Variants in TRABD2B observed in about 807,000 individuals in gnomAD.
TRABD2B encodes the protein TraB domain containing 2B, also known as metalloprotease TIKI2.
In TRABD2B, 14 loss-of-function variants were observed where a neutral mutation model predicts 40.1. That is an observed-to-expected ratio of 0.35 (90% CI 0.23 to 0.55). The LOEUF is 0.55. TRABD2B is among the 20% of genes least tolerant of loss of function. The probability of loss-of-function intolerance (pLI) is 0.90; values close to 1 mark genes in which losing one functional copy is unlikely to be tolerated. For missense variants in TRABD2B, 541 were observed against 648.6 expected, an observed-to-expected ratio of 0.83 and a Z score of 1.80; for synonymous variants, 263 against 277.0, an observed-to-expected ratio of 0.95 and a Z score of 0.50.
chr1:47,798,786 C>T (rs1300141513), intron 3 of TRABD2B, among the ~76,000 whole-genome samples: 1 of 152,180 alleles, frequency 6.6e-6, no homozygotes, highest in East Asian at 1.9e-4. Context: ...CACTGTGGCC[C>T]CACAGCCTCC....
At chr1:47,881,285 T>C (rs544340365) in intron 2 of TRABD2B, among the ~76,000 whole-genome samples, 6 of 152,192 alleles carry the variant, frequency 3.9e-5, no homozygotes, top group Non-Finnish European at 8.8e-5. Flanking sequence ...GTTGTCTCTC[T>C]GTGTGCCCCT....
Position 47,987,687 on chromosome 1 carries a change from T to C in TRABD2B, c.666+6347A>G, listed in dbSNP as rs532399350. ...GAGCTCGCCATGCCTGCAGGGGTTCTTCACAAACAGCCCTCTGGGCACAGA... is the reference window on the plus strand; with the variant it reads ...GAGCTCGCCATGCCTGCAGGGGTTCCTCACAAACAGCCCTCTGGGCACAGA... On this transcript the variant is annotated intron_variant, in intron 2 of 6. Coordinates refer to ENST00000606738, the MANE Select transcript of TRABD2B (RefSeq NM_001194986.2). Among the ~76,000 whole-genome samples, 4 of 152,308 alleles carry C rather than the reference T, an allele frequency of 2.6e-5. No homozygotes were observed. In the South Asian group the frequency reaches 6.2e-4, roughly 24 times the overall value.
chr1:47,895,350 G>A (rs1469661922), intron 2 of TRABD2B, among the ~76,000 whole-genome samples: 1 of 152,122 alleles, frequency 6.6e-6, no homozygotes, highest in Non-Finnish European at 1.5e-5. Flanking sequence ...AGCACTGAGC[G>A]AGCTGTGGGT....
intron 2 of TRABD2B, among the ~76,000 whole-genome samples, chr1:47,882,105 C>T (rs777554715): frequency 1.6e-4 from 25 of 152,358 alleles, no homozygotes; most frequent in Non-Finnish European, 2.6e-4. Flanking sequence ...AGGCAGGCTG[C>T]GCTGCTGGGG....
chr1:47,768,406 T>G (rs796711426), intron 6 of TRABD2B, among the ~76,000 whole-genome samples: 1 of 151,364 alleles, frequency 6.6e-6, no homozygotes, highest in African/African-American at 2.4e-5. Flanking sequence ...TCCCACCCCA[T>G]GCCGGCCTGA....
At chr1:47,797,587 A>C (rs950850923) in intron 3 of TRABD2B, among the ~76,000 whole-genome samples, 3 of 152,164 alleles carry the variant, frequency 2.0e-5, no homozygotes, top group African/African-American at 4.8e-5. Context: ...ACAAGAACCC[A>C]AAAGTGAAAG....
At position 47,996,397 on chromosome 1, in the gene TRABD2B, A is replaced by G. The variant is rs1646092479; in HGVS notation, c.102+291T>C. On this transcript the variant is annotated intron_variant, in intron 1 of 6. Coordinates refer to ENST00000606738, the MANE Select transcript of TRABD2B (RefSeq NM_001194986.2). This position sits in a 1 kb window ranked among gnomAD's most constrained non-coding sequence, Gnocchi z 4.6. ...GAAAAAATATGAGAAAGGAGAGACAAAAAGGGGCAGAGAGAGAGGAGGCGT... is the reference window on the plus strand; with the variant it reads ...GAAAAAATATGAGAAAGGAGAGACAGAAAGGGGCAGAGAGAGAGGAGGCGT... Among the ~76,000 whole-genome samples the G allele has an allele frequency of 6.6e-6, 1 of 152,108 alleles. No homozygotes were observed. The highest frequency in any genetic ancestry group is 1.5e-5 in the Non-Finnish European group (1 of 68,010).
chr1:47,968,155 G>A (rs1645629961), intron 2 of TRABD2B, among the ~76,000 whole-genome samples: 2 of 152,224 alleles, frequency 1.3e-5, no homozygotes, highest in Admixed American at 6.5e-5. Context: ...CTTTCACAGA[G>A]ATAAGAACTG....
At chr1:47,883,310 C>G (rs1046713716) in intron 2 of TRABD2B, among the ~76,000 whole-genome samples, 2 of 152,202 alleles carry the variant, frequency 1.3e-5, no homozygotes, top group African/African-American at 2.4e-5. Flanking sequence ...ATTGAGTTCT[C>G]TAGCTCAAAA....
At chr1:47,987,965 C>G (rs1645944810) in intron 2 of TRABD2B, among the ~76,000 whole-genome samples, 1 of 152,184 alleles carries the variant, frequency 6.6e-6, no homozygotes, top group Non-Finnish European at 1.5e-5. Context: ...CCATGGTTGA[C>G]TTCCTGGGAG....
chr1:47,765,573 C>T lies in TRABD2B; in HGVS notation c.*329G>A, dbSNP rs1265083627. ...AGTCCACAGGAGGTCACTGATGTCC[C>T]GGGTTCCCCTCCCGGGCCAGCACTA... On this transcript the variant is annotated 3_prime_UTR_variant, in exon 7 of 7. Transcript: ENST00000606738. The T allele has an allele frequency of 2.5e-5, 9 of 353,256 alleles. No homozygotes were observed. Among genetic ancestry groups the T allele is most frequent in the East Asian group, 1.5e-4 (2 of 13,428 alleles). The allele number at this position is 353,256 out of a possible 1,614,324, so 21.9% of individuals were successfully genotyped here.
chr1:47,906,639 A>T (rs1644682293), intron 2 of TRABD2B, among the ~76,000 whole-genome samples: 1 of 152,198 alleles, frequency 6.6e-6, no homozygotes, highest in Admixed American at 6.5e-5. Flanking sequence ...CCTGCTTGGT[A>T]GCAGCCTGGC....
At chr1:47,957,527 A>C (rs1307779642) in intron 2 of TRABD2B, among the ~76,000 whole-genome samples, 1 of 152,232 alleles carries the variant, frequency 6.6e-6, no homozygotes, top group Non-Finnish European at 1.5e-5. Flanking sequence ...AAATGACCTG[A>C]TGGAGCTGAA....
Position 47,997,368 on chromosome 1 carries a change from CGGGA to C in TRABD2B, c.-583_-580del. ...GGGCTCCGCCATGCTGCTCCGCGGC[CGGGA>C]GGGAGGGAGAGAGGAGGGCGGGAGA... On this transcript the variant is annotated 5_prime_UTR_variant, in exon 1 of 7. Transcript: ENST00000606738. 8.8e-6 allele frequency: 2 copies of C among 226,478 alleles called. No homozygotes were observed. The highest frequency in any genetic ancestry group is 1.4e-5 in the Non-Finnish European group (2 of 147,290). 14.0% of individuals were successfully genotyped at this position (226,478 alleles called of 1,614,324 possible). A position where few individuals can be genotyped will look rare whatever the true frequency, so the allele number is the denominator to read the frequency against.
chr1:47,993,942 C>T (rs1646049600), intron 2 of TRABD2B, 92 bp downstream of exon 2: 1 of 1,323,332 alleles, frequency 7.6e-7, no homozygotes, highest in Non-Finnish European at 1.0e-6. Context: ...CTCTGGCTGC[C>T]TCCCCCTCCC....
chr1:47,798,316 G>A (rs1349962675), intron 3 of TRABD2B, among the ~76,000 whole-genome samples: 3 of 152,190 alleles, frequency 2.0e-5, no homozygotes, highest in Non-Finnish European at 2.9e-5. Context: ...ATCCTCAATT[G>A]TATCTGACTC....
chr1:47,920,227 A>G (rs950965841), intron 2 of TRABD2B, among the ~76,000 whole-genome samples: 4 of 152,182 alleles, frequency 2.6e-5, no homozygotes, highest in Non-Finnish European at 5.9e-5. Flanking sequence ...TTATTCTTGT[A>G]CAGTGAAGGC....
intron 2 of TRABD2B, among the ~76,000 whole-genome samples, chr1:47,990,795 A>T (rs1411751804): frequency 2.0e-5 from 1 of 49,896 alleles, no homozygotes; most frequent in Admixed American, 2.0e-4. Context: ...ATATATATAT[A>T]TATATATATA....
chr1:47,853,906 CCT>C (rs1166632285), intron 2 of TRABD2B, among the ~76,000 whole-genome samples: 1 of 152,106 alleles, frequency 6.6e-6, no homozygotes, highest in African/African-American at 2.4e-5. Flanking sequence ...CACATCTCTC[CCT>C]GTTTAAACCT....
Sources: allele counts gnomAD v4.1 joint callset (sites outside exome capture counted in the v4.1 genomes callset), GRCh38; gene constraint gnomAD v4.1.1; non-coding constraint Gnocchi (gnomAD v3.1); transcripts MANE v1.5; gene names NCBI Gene and HGNC (gene_info 2026-07-23, HGNC 2026-07-21).